HIBCH: variants seen among roughly 807,000 people sequenced by gnomAD.
The protein encoded by HIBCH is 3-hydroxyisobutyryl-CoA hydrolase.
HIBCH carries 50 observed loss-of-function variants against 58.2 expected under a neutral mutation model. The observed-to-expected ratio is 0.86, with a 90% CI of 0.68 to 1.09. HIBCH has a LOEUF of 1.09. HIBCH is among the 50% of genes least tolerant of loss of function. The pLI is 0.00. For missense variants in HIBCH, 450 were observed against 449.7 expected (o/e 1.00, Z -0.01); for synonymous variants, 151 against 146.9 (o/e 1.03, Z -0.20).
chr2:190,287,905 TA>T (rs1168717207), intron 5 of HIBCH, among the ~76,000 whole-genome samples: 11 of 152,134 alleles, frequency 7.2e-5, no homozygotes, highest in African/African-American at 2.4e-4. Flanking sequence ...ACCTGTAATC[TA>T]ACCTCTTTGG....
intron 1 of HIBCH, 65 bp downstream of exon 1, chr2:190,319,651 C>G (rs1344704108): frequency 2.2e-6 from 3 of 1,378,990 alleles, no homozygotes; most frequent in Non-Finnish European, 3.1e-6. Flanking sequence ...CCACCCCCGG[C>G]CCTTTTCCCA....
chr2:190,224,977 C>T (rs1290230369), intron 11 of HIBCH, among the ~76,000 whole-genome samples: 2 of 152,178 alleles, frequency 1.3e-5, no homozygotes, highest in Admixed American at 6.5e-5. Context: ...CACTCAAAAT[C>T]GCTCAACTAC....
In HIBCH at chr2:190,208,966, G is replaced by T. The variant is rs557333503; in HGVS notation, c.1012-53C>A. 4 of 1,517,516 alleles carry T rather than the reference G, an allele frequency of 2.6e-6. No individual in the cohort carries two copies. In the Admixed American group the frequency reaches 6.7e-5, roughly 26 times the overall value. The allele number at this position is 1,517,516 out of a possible 1,614,324, so 94.0% of individuals were successfully genotyped here. Reference sequence around the variant, plus strand: ...ATAATTTCTGGGTGTCCTTATTCTGGGTTATTTTCTCTCTCCTCTATTCAC... The same window carrying T: ...ATAATTTCTGGGTGTCCTTATTCTGTGTTATTTTCTCTCTCCTCTATTCAC... On this transcript the variant is annotated intron_variant, in intron 12 of 13. Transcript: ENST00000359678.
chr2:190,239,263 C>T (rs1300667670), intron 11 of HIBCH, among the ~76,000 whole-genome samples: 1 of 152,110 alleles, frequency 6.6e-6, no homozygotes, highest in Non-Finnish European at 1.5e-5. Context: ...TGTCAAAGAT[C>T]AGATGGTTGT....
At chr2:190,310,299 A>G (rs531469042) in intron 2 of HIBCH, among the ~76,000 whole-genome samples, 2 of 152,304 alleles carry the variant, frequency 1.3e-5, no homozygotes, top group East Asian at 1.9e-4. Context: ...ACGGCCTATC[A>G]TGGGACTTTA....
At chr2:190,284,490 T>C (rs1430585920) in intron 6 of HIBCH, among the ~76,000 whole-genome samples, 1 of 152,216 alleles carries the variant, frequency 6.6e-6, no homozygotes, top group South Asian at 2.1e-4. Context: ...CTTGGTCAAC[T>C]AGACCAAATA....
At chr2:190,262,744 C>G (rs1687125307) in intron 6 of HIBCH, among the ~76,000 whole-genome samples, 1 of 152,216 alleles carries the variant, frequency 6.6e-6, no homozygotes, top group African/African-American at 2.4e-5. Flanking sequence ...TGCGGGGTAA[C>G]TGATTCATTG....
intron 7 of HIBCH, 71 bp from the exon 8 acceptor site, chr2:190,252,378 T>A: frequency 7.7e-7 from 1 of 1,302,160 alleles, no homozygotes; most frequent in Non-Finnish European, 1.1e-6. Context: ...CTTTTTGCCG[T>A]AGATCACACA....
intron 6 of HIBCH, among the ~76,000 whole-genome samples, chr2:190,266,910 C>A (rs1687258408): frequency 6.6e-6 from 1 of 151,192 alleles, no homozygotes; most frequent in South Asian, 2.1e-4. Flanking sequence ...GCGCCCACCA[C>A]CACACCAGGC....
chr2:190,197,922 T>A lies in HIBCH; in HGVS notation c.*17+7178A>T, dbSNP rs1211811845. Reference sequence around the variant, plus strand: ...GACACTCATTGAGTTCTCCAAGTAATTTTTTTCAGGTTAACCATGTCCAAT... The same window carrying A: ...GACACTCATTGAGTTCTCCAAGTAAATTTTTTCAGGTTAACCATGTCCAAT... On this transcript the variant is annotated intron_variant, in intron 1 of 1. Transcript: ENST00000399855. This position sits in a 1 kb window ranked among gnomAD's most constrained non-coding sequence, Gnocchi z 4.0. Among the ~76,000 whole-genome samples, 1 of 152,130 alleles carries A rather than the reference T, an allele frequency of 6.6e-6. No homozygotes were observed. Among genetic ancestry groups the A allele is most frequent in the Non-Finnish European group, 1.5e-5 (1 of 68,018 alleles).
chr2:190,291,429 A>G (rs959592224), intron 4 of HIBCH, among the ~76,000 whole-genome samples: 2 of 152,166 alleles, frequency 1.3e-5, no homozygotes, highest in Non-Finnish European at 2.9e-5. Context: ...GGAAAAGGTA[A>G]ATAGGAATTT....
At chr2:190,239,911 A>T (rs1686401926) in intron 11 of HIBCH, among the ~76,000 whole-genome samples, 1 of 152,094 alleles carries the variant, frequency 6.6e-6, no homozygotes, top group Non-Finnish European at 1.5e-5. Flanking sequence ...CGGCCTCCCA[A>T]AGTGCTGGGA....
At chr2:190,259,006 T>C (rs559559382) in intron 7 of HIBCH, among the ~76,000 whole-genome samples, 1 of 152,348 alleles carries the variant, frequency 6.6e-6, no homozygotes, top group East Asian at 1.9e-4. Context: ...AGTACTATGC[T>C]GTTTTGATTA....
intron 11 of HIBCH, among the ~76,000 whole-genome samples, chr2:190,226,595 CAAAAAAAAAAAA>C (rs752856547): frequency 0.012 from 364 of 29,398 alleles, no homozygotes; most frequent in African/African-American, 0.051. Flanking sequence ...AACTCCGTCT[CAAAAAAAAAAAA>C]AAAAAAAAAA....
chr2:190,267,371 A>G (rs1687271125), intron 6 of HIBCH, among the ~76,000 whole-genome samples: 1 of 151,374 alleles, frequency 6.6e-6, no homozygotes, highest in South Asian at 2.1e-4. Context: ...TAATTTTTGT[A>G]TTTTTAGTAG....
chr2:190,230,349 G>C (rs1355052362), intron 11 of HIBCH, among the ~76,000 whole-genome samples: 1 of 152,164 alleles, frequency 6.6e-6, no homozygotes, highest in Non-Finnish European at 1.5e-5. Flanking sequence ...GACATCAAAA[G>C]ATATTACGAA....
intron 2 of HIBCH, among the ~76,000 whole-genome samples, chr2:190,309,169 A>C (rs557896708): frequency 2.6e-4 from 39 of 152,366 alleles, no homozygotes; most frequent in African/African-American, 9.1e-4. Flanking sequence ...TGTTTACACT[A>C]GTTAGGATAA....
chr2:190,303,064 G>T (rs1688310169), intron 2 of HIBCH, among the ~76,000 whole-genome samples: 1 of 152,086 alleles, frequency 6.6e-6, no homozygotes, highest in African/African-American at 2.4e-5. Flanking sequence ...GAACAAGAAG[G>T]GAAAGACAGA....
chr2:190,201,033 G>A (rs908541886), downstream of HIBCH: 3 of 163,332 alleles, frequency 1.8e-5, no homozygotes, highest in Admixed American at 6.7e-5. Flanking sequence ...TGACTAGTAA[G>A]GCGGTCACCA....
Sources: allele counts gnomAD v4.1 joint callset (sites outside exome capture counted in the v4.1 genomes callset), GRCh38; gene constraint gnomAD v4.1.1; non-coding constraint Gnocchi (gnomAD v3.1); transcripts MANE v1.5; gene names NCBI Gene and HGNC (gene_info 2026-07-23, HGNC 2026-07-21).